Variants in PDE3A observed in about 807,000 individuals in gnomAD.
PDE3A encodes the protein cGMP-inhibited 3',5'-cyclic phosphodiesterase 3A.
In PDE3A, 43 loss-of-function variants were observed where a neutral mutation model predicts 98.3. The ratio of observed to expected loss-of-function variants is 0.44; its 90% CI spans 0.34 to 0.56. The LOEUF is 0.56. PDE3A is among the 20% of genes least tolerant of loss of function. The pLI, the probability that PDE3A is intolerant of heterozygous loss-of-function variation, is 0.01. For synonymous variants in PDE3A, 663 were observed against 567.9 expected (o/e 1.17, Z -2.38); for missense variants, 1,427 against 1,440.7 (o/e 0.99, Z 0.15).
At chr12:20,676,470 C>G (rs1282580111) in intron 15 of PDE3A, among the ~76,000 whole-genome samples, 1 of 145,702 alleles carries the variant, frequency 6.9e-6, no homozygotes, top group Non-Finnish European at 1.5e-5. Flanking sequence ...TTTTCTTTTG[C>G]TGTTTTTAGA....
intron 2 of PDE3A, among the ~76,000 whole-genome samples, chr12:20,583,052 TC>T (rs1300434810): frequency 6.6e-6 from 1 of 152,116 alleles, no homozygotes; most frequent in East Asian, 1.9e-4. Context: ...GGCTTTCTAC[TC>T]AAATTCTACT....
chr12:20,535,223 A>G lies in PDE3A; in HGVS notation c.961-21437A>G, dbSNP rs530569841. Among the ~76,000 whole-genome samples, 4 of 152,312 alleles carry G rather than the reference A, an allele frequency of 2.6e-5. No individual in the cohort carries two copies. In the East Asian group the frequency reaches 7.7e-4, roughly 29 times the overall value. The stretch of plus-strand genomic sequence containing the variant: ...CATCTGTCTTGACCCCAATCTACCT[A>G]GGATTTCTCCTCATCCCTGGTAATC... On this transcript the variant is annotated intron_variant, in intron 1 of 15. Transcript: ENST00000359062.
At position 20,683,216 on chromosome 12, in the gene PDE3A, A is replaced by T. The variant is rs932185719; in HGVS notation, c.*2945A>T. ...TACATCTCAAAGGATGCTAAGGGAC[A>T]TTTTCTGCCAGTAGAGTTCTCCCCC... On this transcript the variant is annotated 3_prime_UTR_variant, in exon 16 of 16. Coordinates refer to ENST00000359062, the MANE Select transcript of PDE3A (RefSeq NM_000921.5). 1 of 152,156 alleles carries T rather than the reference A, an allele frequency of 6.6e-6. No homozygotes were observed. The highest frequency in any genetic ancestry group is 2.4e-5 in the African/African-American group (1 of 41,430). The allele number at this position is 152,156 out of a possible 1,614,324, so 9.4% of individuals were successfully genotyped here.
At chr12:20,548,126 A>C (rs1477840063) in intron 1 of PDE3A, among the ~76,000 whole-genome samples, 1 of 152,150 alleles carries the variant, frequency 6.6e-6, no homozygotes, top group African/African-American at 2.4e-5. Context: ...TAGGATTTTC[A>C]AAATGCTTTC....
intron 1 of PDE3A, among the ~76,000 whole-genome samples, chr12:20,521,911 G>C (rs1036407808): frequency 6.6e-6 from 1 of 152,088 alleles, no homozygotes; most frequent in Non-Finnish European, 1.5e-5. Flanking sequence ...GCAACCACTT[G>C]CAAACAGCAT....
At position 20,457,581 on chromosome 12, in the gene PDE3A, C is replaced by T. The variant is rs193173533; in HGVS notation, c.960+87337C>T. 6.8e-4 allele frequency among the ~76,000 whole-genome samples: 103 copies of T among 150,912 alleles called. No individual in the cohort carries two copies. The Middle Eastern group carries it at 0.027, about 40-fold the overall frequency. On this transcript the variant is annotated intron_variant, in intron 1 of 15. Transcript: ENST00000359062. ...CATATAAATTATTATATAATGTTAT[C>T]TTAGTGATTGACCCAGAATAGAATA...
intron 1 of PDE3A, among the ~76,000 whole-genome samples, chr12:20,454,421 C>T (rs1485863076): frequency 6.6e-6 from 1 of 152,138 alleles, no homozygotes; most frequent in African/African-American, 2.4e-5. Flanking sequence ...TATTGGCTGC[C>T]TTCTTTAACT....
intron 1 of PDE3A, among the ~76,000 whole-genome samples, chr12:20,405,559 T>C (rs1022018844): frequency 2.1e-4 from 32 of 152,202 alleles, no homozygotes; most frequent in Non-Finnish European, 2.2e-4. Flanking sequence ...GACCTCATCA[T>C]AGACATCCCA....
At chr12:20,601,811 A>G (rs1450305510) in intron 2 of PDE3A, among the ~76,000 whole-genome samples, 1 of 151,996 alleles carries the variant, frequency 6.6e-6, no homozygotes, top group Non-Finnish European at 1.5e-5. Context: ...CTGCCTGTTA[A>G]TGAGGCAGTA....
intron 1 of PDE3A, among the ~76,000 whole-genome samples, chr12:20,461,390 A>T (rs950210922): frequency 6.6e-6 from 1 of 152,164 alleles, no homozygotes; most frequent in Admixed American, 6.6e-5. Context: ...AATAAATCCA[A>T]TTGGAAACAA....
intron 1 of PDE3A, among the ~76,000 whole-genome samples, chr12:20,389,461 T>G (rs1411741297): frequency 6.6e-6 from 1 of 151,980 alleles, no homozygotes; most frequent in Non-Finnish European, 1.5e-5. Context: ...AGTCAGTGCT[T>G]CTTGTTTTTA....
chr12:20,591,401 A>G (rs1189545997), intron 2 of PDE3A, among the ~76,000 whole-genome samples: 2 of 152,216 alleles, frequency 1.3e-5, no homozygotes, highest in Non-Finnish European at 2.9e-5. Context: ...ATCTGACTTT[A>G]ATAATACTAT....
chr12:20,555,811 T>C (rs1057456623), intron 1 of PDE3A, among the ~76,000 whole-genome samples: 1 of 152,174 alleles, frequency 6.6e-6, no homozygotes, highest in African/African-American at 2.4e-5. Context: ...GCATATTATT[T>C]TTGTTGCTAT....
chr12:20,408,292 A>G (rs1049056824), intron 1 of PDE3A, among the ~76,000 whole-genome samples: 22 of 152,256 alleles, frequency 1.4e-4, no homozygotes, highest in Non-Finnish European at 7.3e-5. Flanking sequence ...AATCTATAAG[A>G]GTATGGCTGA....
chr12:20,505,081 G>A (rs1946092068), intron 1 of PDE3A, among the ~76,000 whole-genome samples: 2 of 152,042 alleles, frequency 1.3e-5, no homozygotes, highest in Non-Finnish European at 2.9e-5. Context: ...CCTGTCTGAG[G>A]TTTTAGCTCA....
intron 2 of PDE3A, among the ~76,000 whole-genome samples, chr12:20,575,401 A>C (rs1042569032): frequency 3.3e-5 from 5 of 152,058 alleles, no homozygotes; most frequent in Non-Finnish European, 7.4e-5. Context: ...GTTCTGACTA[A>C]AATTAGGAGG....
intron 1 of PDE3A, among the ~76,000 whole-genome samples, chr12:20,474,970 T>A (rs1392346783): frequency 3.9e-5 from 6 of 152,104 alleles, no homozygotes; most frequent in South Asian, 2.1e-4. Flanking sequence ...TCTTTTTTTT[T>A]ATTTTGGTGG....
At chr12:20,677,433 T>C (rs1312348155) in intron 15 of PDE3A, among the ~76,000 whole-genome samples, 1 of 150,208 alleles carries the variant, frequency 6.7e-6, no homozygotes, top group Admixed American at 6.7e-5. Flanking sequence ...GTGTATCTGG[T>C]GTAGCAGTTG....
At chr12:20,442,484 G>T (rs1386217308) in intron 1 of PDE3A, among the ~76,000 whole-genome samples, 1 of 152,088 alleles carries the variant, frequency 6.6e-6, no homozygotes, top group Non-Finnish European at 1.5e-5. Flanking sequence ...CAGCACTTCT[G>T]GCTGGTAGTG....
Sources: gnomAD v4.1 joint callset for allele counts (sites outside exome capture counted in the v4.1 genomes callset) on GRCh38, gnomAD v4.1.1 for gene constraint, MANE v1.5 for transcripts, NCBI Gene and HGNC (gene_info 2026-07-23, HGNC 2026-07-21) for gene names.